GMPS: variants seen among roughly 807,000 people sequenced by gnomAD.
GMPS encodes GMP synthase [glutamine-hydrolyzing].
Under a neutral mutation model 77.9 loss-of-function variants are expected in GMPS, and 15 were observed. That is an observed-to-expected ratio of 0.19 (90% confidence interval 0.13 to 0.30). The LOEUF (loss-of-function observed/expected upper bound fraction) is 0.30. Ranked by LOEUF, GMPS falls within the 10% of genes least tolerant of loss-of-function variation. GMPS has a pLI of 1.00. For synonymous variants in GMPS, 224 were observed against 275.9 expected (o/e 0.81, Z 1.86); for missense variants, 590 against 838.8 (o/e 0.70, Z 3.66).
chr3:155,883,729 A>G (rs1754265193), intron 1 of GMPS, among the ~76,000 whole-genome samples: 2 of 152,214 alleles, frequency 1.3e-5, no homozygotes, highest in Non-Finnish European at 2.9e-5. Context: ...TTAAAATACT[A>G]GATCTCAGTC....
At chr3:155,924,970 G>A (rs189126717) in intron 11 of GMPS, among the ~76,000 whole-genome samples, 1 of 152,292 alleles carries the variant, frequency 6.6e-6, no homozygotes, top group Admixed American at 6.5e-5. Context: ...GATAATATTT[G>A]ACTCAGATAA....
At chr3:155,935,203 G>A (rs554464658) in intron 14 of GMPS, among the ~76,000 whole-genome samples, 157 bp downstream of exon 14, 8 of 151,840 alleles carry the variant, frequency 5.3e-5, no homozygotes, top group East Asian at 1.9e-4. Context: ...TTCTTGAGAC[G>A]GAGTCTGTCT....
At chr3:155,871,993 A>G (rs533992035) in intron 1 of GMPS, among the ~76,000 whole-genome samples, 1 of 152,194 alleles carries the variant, frequency 6.6e-6, no homozygotes, top group Middle Eastern at 3.4e-3. Context: ...TTGAATTGCG[A>G]TTTACTTCAT....
chr3:155,933,104 A>G (rs1424659377), intron 13 of GMPS, among the ~76,000 whole-genome samples: 1 of 152,188 alleles, frequency 6.6e-6, no homozygotes, highest in African/African-American at 2.4e-5. Flanking sequence ...AGGCAGAAGA[A>G]TGGTGTGAAC....
intron 1 of GMPS, 26 bp downstream of exon 1, chr3:155,870,923 C>G (rs780908154): frequency 5.6e-5 from 81 of 1,454,004 alleles, no homozygotes; most frequent in Non-Finnish European, 7.0e-5. Flanking sequence ...CCTGCAGCAC[C>G]GCATCCCGGC....
intron 12 of GMPS, among the ~76,000 whole-genome samples, chr3:155,926,246 C>T (rs966703908): frequency 6.6e-6 from 1 of 152,176 alleles, no homozygotes; most frequent in African/African-American, 2.4e-5. Flanking sequence ...ATTCTGGCCT[C>T]AAGTGATCCT....
chr3:155,916,869 C>G (rs577678060), intron 9 of GMPS, among the ~76,000 whole-genome samples: 8 of 152,130 alleles, frequency 5.3e-5, no homozygotes, highest in Non-Finnish European at 8.8e-5. Context: ...TACATTCGCA[C>G]TAGCAATCTA....
chr3:155,908,449 C>T (rs1359806127), intron 5 of GMPS, among the ~76,000 whole-genome samples: 1 of 152,168 alleles, frequency 6.6e-6, no homozygotes, highest in East Asian at 1.9e-4. Context: ...AAAGTGTCTG[C>T]GTGCCTAACT....
chr3:155,889,511 A>G (rs1428749433), intron 1 of GMPS, among the ~76,000 whole-genome samples: 1 of 152,170 alleles, frequency 6.6e-6, no homozygotes, highest in Non-Finnish European at 1.5e-5. Context: ...TCCTGTTTTC[A>G]GGTCCTTTAA....
rs1221519765 is a variant in GMPS, at chr3:155,916,050, T to C, written c.1070T>C (p.Leu357Ser). The part of the protein sequence containing the change: ...IANEVIGEMN[L>S]KPEEVFLAQG... Reference sequence around the variant, plus strand: ...AATGAAGTAATTGGAGAAATGAACTTGAAACCAGAGGAGGTTTTCCTTGCC... The same window carrying C: ...AATGAAGTAATTGGAGAAATGAACTCGAAACCAGAGGAGGTTTTCCTTGCC... Residue 357 changes from leucine (L) to serine (S), a missense_variant, in exon 9 of 16, where the codon TTG (leucine) becomes TCG (serine). Transcript: ENST00000496455. The C allele has an allele frequency of 1.9e-6, 3 of 1,613,304 alleles. No individual in the cohort carries two copies. Among genetic ancestry groups the C allele is most frequent in the Non-Finnish European group, 2.5e-6 (3 of 1,179,526 alleles).
At chr3:155,870,934 G>A in intron 1 of GMPS, 37 bp downstream of exon 1, 2 of 1,436,740 alleles carry the variant, frequency 1.4e-6, no homozygotes, top group Non-Finnish European at 9.1e-7. Context: ...GCATCCCGGC[G>A]GAGGCGAGGC....
chr3:155,899,751 C>T (rs1754688517), intron 3 of GMPS, among the ~76,000 whole-genome samples: 1 of 152,124 alleles, frequency 6.6e-6, no homozygotes, highest in Non-Finnish European at 1.5e-5. Flanking sequence ...TGTGCTTTAC[C>T]TGTTCATCCC....
rs960232901 is a variant in GMPS at position 155,890,551 on chromosome 3, C to A, written c.28-2967C>A. ...CATTGAGAATTAAAGTATTTTATTT[C>A]TTTGTAAAAAGCTTATCAATAGTAG... On this transcript the variant is annotated intron_variant, in intron 1 of 15. Coordinates refer to ENST00000496455, the MANE Select transcript of GMPS (RefSeq NM_003875.3). Among the ~76,000 whole-genome samples, 5 of 152,120 alleles carry A rather than the reference C, an allele frequency of 3.3e-5. No homozygotes were observed. In the South Asian group the frequency reaches 8.3e-4, roughly 25 times the overall value.
At chr3:155,914,636 C>G (rs1338572996) in intron 8 of GMPS, 66 bp downstream of exon 8, 9 of 1,059,328 alleles carry the variant, frequency 8.5e-6, no homozygotes, top group African/African-American at 1.6e-5. Context: ...TTTGTTTTTC[C>G]TTGTCACTAT....
chr3:155,896,563 T>C (rs928305413), intron 2 of GMPS, among the ~76,000 whole-genome samples: 1 of 151,914 alleles, frequency 6.6e-6, no homozygotes, highest in Admixed American at 6.6e-5. Flanking sequence ...TATTTTTTTT[T>C]TCTCTCACTG....
chr3:155,899,473 G>A (rs1244213180), intron 3 of GMPS, among the ~76,000 whole-genome samples: 2 of 148,722 alleles, frequency 1.3e-5, no homozygotes, highest in South Asian at 2.1e-4. Context: ...AGGGGTTTTA[G>A]GTTCACAGCA....
At chr3:155,907,328 T>C (rs374475777) in intron 5 of GMPS, among the ~76,000 whole-genome samples, 1 of 152,180 alleles carries the variant, frequency 6.6e-6, no homozygotes, top group East Asian at 1.9e-4. Flanking sequence ...CTCTCACCTA[T>C]AATTCCAGCA....
chr3:155,882,094 G>A (rs1754220614), intron 1 of GMPS, among the ~76,000 whole-genome samples: 1 of 152,072 alleles, frequency 6.6e-6, no homozygotes, highest in South Asian at 2.1e-4. Context: ...AATGAAGACT[G>A]ATTAAGACTT....
chr3:155,911,075 C>A, intron 6 of GMPS, 39 bp from the exon 7 acceptor site: 2 of 1,501,524 alleles, frequency 1.3e-6, no homozygotes, highest in Non-Finnish European at 1.8e-6. Flanking sequence ...TTTCTTTTTG[C>A]TTGTTTTGCT....
Sources: gnomAD v4.1 joint callset for allele counts (sites outside exome capture counted in the v4.1 genomes callset) on GRCh38, gnomAD v4.1.1 for gene constraint, MANE v1.5 for transcripts, NCBI Gene and HGNC (gene_info 2026-07-23, HGNC 2026-07-21) for gene names.